The following KCTD16 variants were observed in gnomAD, a reference collection of about 807,000 sequenced individuals.
KCTD16 encodes potassium channel tetramerization domain containing 16.
In KCTD16, 13 loss-of-function variants were observed where a neutral mutation model predicts 33.2. That is an observed-to-expected ratio of 0.39 (90% CI 0.25 to 0.62). The LOEUF is 0.62. Ranked by LOEUF, KCTD16 falls within the 20% of genes least tolerant of loss-of-function variation. The pLI, the probability that KCTD16 is intolerant of heterozygous loss-of-function variation, is 0.50. For synonymous variants in KCTD16, 197 were observed against 195.3 expected (o/e 1.01, Z -0.07); for missense variants, 441 against 525.1 (o/e 0.84, Z 1.57).
chr5:144,191,378 T>A (rs1311253717), intron 2 of KCTD16, among the ~76,000 whole-genome samples: 1 of 152,236 alleles, frequency 6.6e-6, no homozygotes, highest in African/African-American at 2.4e-5. Context: ...CTTTCACTGG[T>A]GCCTTTTGCT....
chr5:144,433,832 G>A (rs1184970905), intron 3 of KCTD16, among the ~76,000 whole-genome samples: 1 of 152,138 alleles, frequency 6.6e-6, no homozygotes, highest in Non-Finnish European at 1.5e-5. Flanking sequence ...TCTTTTGCTT[G>A]TGAAAAACAA....
chr5:144,432,557 T>C (rs914450157), intron 3 of KCTD16, among the ~76,000 whole-genome samples: 4 of 152,118 alleles, frequency 2.6e-5, no homozygotes, highest in Non-Finnish European at 4.4e-5. Context: ...AACATAGCAG[T>C]GGTACACCTG....
chr5:144,286,114 G>GT (rs901896727), intron 3 of KCTD16, among the ~76,000 whole-genome samples: 19 of 151,350 alleles, frequency 1.3e-4, no homozygotes, highest in Admixed American at 4.6e-4. Flanking sequence ...GGATTTATTT[G>GT]TTTTTTTCGC....
intron 3 of KCTD16, among the ~76,000 whole-genome samples, chr5:144,337,025 A>G (rs1054244142): frequency 5.3e-5 from 8 of 151,540 alleles, no homozygotes; most frequent in Admixed American, 2.6e-4. Flanking sequence ...CTATATTAAC[A>G]TACTGTTCAT....
In KCTD16 at chr5:144,206,737, G is replaced by A; in HGVS notation, c.23G>A (p.Ser8Asn). The A allele has an allele frequency of 6.2e-7, 1 of 1,613,682 alleles. No individual in the cohort carries two copies. Among genetic ancestry groups the A allele is most frequent in the Non-Finnish European group, 8.5e-7 (1 of 1,179,776 alleles). Residue 8 changes from serine (S) to asparagine (N), a missense_variant, in exon 3 of 4, where the codon AGT becomes AAT. By Grantham distance (46) the Ser-to-Asn change is conservative. Coordinates refer to ENST00000512467, the MANE Select transcript of KCTD16 (RefSeq NM_020768.4). Reference protein sequence around the residue: MALSGNCSRYYPREQGSA... With the variant: MALSGNCNRYYPREQGSA... ...ACAATGGCTCTGAGTGGAAACTGTA[G>A]TCGTTATTATCCTCGAGAACAAGGG...
chr5:144,245,164 T>C (rs1309400827), intron 3 of KCTD16, among the ~76,000 whole-genome samples: 1 of 152,132 alleles, frequency 6.6e-6, no homozygotes. Context: ...TGATGAGGAT[T>C]AGGGAGAAAA....
At chr5:144,299,140 ATATATATATTTT>A (rs1394363578) in intron 3 of KCTD16, among the ~76,000 whole-genome samples, 24 of 26,994 alleles carry the variant, frequency 8.9e-4, no homozygotes, top group Non-Finnish European at 1.1e-3. Context: ...ATATATATAT[ATATATATATTTT>A]TTTTTTTTTT....
At chr5:144,400,870 G>C (rs968423709) in intron 3 of KCTD16, among the ~76,000 whole-genome samples, 1 of 152,204 alleles carries the variant, frequency 6.6e-6, no homozygotes, top group Non-Finnish European at 1.5e-5. Context: ...GAAGAAGTCA[G>C]TGATGTGAAA....
chr5:144,346,693 T>G (rs57260816), intron 3 of KCTD16, among the ~76,000 whole-genome samples: 1 of 152,218 alleles, frequency 6.6e-6, no homozygotes, highest in Non-Finnish European at 1.5e-5. Flanking sequence ...TGACCATTTT[T>G]GATTGGATTA....
Position 144,388,166 on chromosome 5 carries a change from G to T in KCTD16, c.833-85494G>T, listed in dbSNP as rs541567303. On this transcript the variant is annotated intron_variant, in intron 3 of 3. Coordinates refer to ENST00000512467, the MANE Select transcript of KCTD16 (RefSeq NM_020768.4). ...GGGATATCGGCTCACTGCAAGCTCC[G>T]CCTCCCGGGTTCACGCCATTCTCCT... Among the ~76,000 whole-genome samples, 27 of 130,838 alleles carry T rather than the reference G, an allele frequency of 2.1e-4. No homozygotes were observed. The East Asian group carries it at 5.9e-3, about 29-fold the overall frequency. The allele number at this position is 130,838 out of a possible 152,430, so 85.8% of individuals were successfully genotyped here.
intron 3 of KCTD16, among the ~76,000 whole-genome samples, chr5:144,449,767 G>A (rs1753899677): frequency 6.6e-6 from 1 of 151,882 alleles, no homozygotes. Flanking sequence ...AAATAAATTG[G>A]ACCTCTATCT....
rs190719732 is a variant in KCTD16 at position 144,398,306 on chromosome 5, T to G, written c.833-75354T>G. ...ATTTACCATTAAAATGGTGGTAACA[T>G]GTCAGGTAGTAAAGAGAAGAGCTGC... On this transcript the variant is annotated intron_variant, in intron 3 of 3. Transcript: ENST00000512467. Among the ~76,000 whole-genome samples the G allele has an allele frequency of 1.0e-3, 157 of 152,334 alleles. 1 individual carries two copies. The highest frequency in any genetic ancestry group is 1.8e-3 in the Non-Finnish European group (122 of 68,038).
chr5:144,366,382 A>G (rs901824912), intron 3 of KCTD16, among the ~76,000 whole-genome samples: 1 of 152,198 alleles, frequency 6.6e-6, no homozygotes, highest in Non-Finnish European at 1.5e-5. Flanking sequence ...CATACATTAC[A>G]TATGCAAGCC....
chr5:144,402,226 G>T (rs1390546432), intron 3 of KCTD16, among the ~76,000 whole-genome samples: 2 of 152,264 alleles, frequency 1.3e-5, no homozygotes, highest in Admixed American at 1.3e-4. Context: ...CTGTTCGTTG[G>T]CTATAGAAGG....
At chr5:144,442,755 G>C (rs1360885965) in intron 3 of KCTD16, among the ~76,000 whole-genome samples, 1 of 151,952 alleles carries the variant, frequency 6.6e-6, no homozygotes, top group Non-Finnish European at 1.5e-5. Flanking sequence ...CTTAAGTTCA[G>C]CTCCCTCAGG....
intron 3 of KCTD16, among the ~76,000 whole-genome samples, chr5:144,459,403 G>A (rs1754143256): frequency 6.6e-6 from 1 of 152,014 alleles, no homozygotes. Flanking sequence ...CCAGGCTGGA[G>A]TGGAGTGGTG....
chr5:144,312,719 G>A (rs763442156), intron 3 of KCTD16, among the ~76,000 whole-genome samples: 4 of 152,300 alleles, frequency 2.6e-5, no homozygotes, highest in Non-Finnish European at 5.9e-5. Context: ...ATAATGTATC[G>A]TTGGCAAAGT....
At chr5:144,215,498 G>C (rs1218195607) in intron 3 of KCTD16, among the ~76,000 whole-genome samples, 5 of 152,154 alleles carry the variant, frequency 3.3e-5, no homozygotes, top group Admixed American at 3.3e-4. Flanking sequence ...TAACATAGTG[G>C]TTAAGAGCCT....
chr5:144,196,886 A>G (rs1191188065), intron 2 of KCTD16, among the ~76,000 whole-genome samples: 1 of 152,204 alleles, frequency 6.6e-6, no homozygotes, highest in African/African-American at 2.4e-5. Flanking sequence ...TGAGGCTCAG[A>G]TCATTGTCTG....
Sources: gnomAD v4.1 joint callset for allele counts (sites outside exome capture counted in the v4.1 genomes callset) on GRCh38, gnomAD v4.1.1 for gene constraint, MANE v1.5 for transcripts, NCBI Gene and HGNC (gene_info 2026-07-23, HGNC 2026-07-21) for gene names.